Variants in RUFY3 observed in about 807,000 individuals in gnomAD.
RUFY3 encodes RUN and FYVE domain containing 3.
Under a neutral mutation model 84.0 loss-of-function variants are expected in RUFY3, and 34 were observed. The ratio of observed to expected loss-of-function variants is 0.40; its 90% CI spans 0.31 to 0.54. The LOEUF (loss-of-function observed/expected upper bound fraction) is 0.54. Among genes scored for constraint, RUFY3 ranks in the 20% least tolerant of loss-of-function variants. RUFY3 has a pLI of 0.39. For synonymous variants in RUFY3, 242 were observed against 252.9 expected (o/e 0.96, Z 0.41); for missense variants, 507 against 736.8 (o/e 0.69, Z 3.61).
intron 1 of RUFY3, among the ~76,000 whole-genome samples, chr4:70,736,471 C>G (rs1228684297): frequency 6.6e-6 from 1 of 152,086 alleles, no homozygotes; most frequent in African/African-American, 2.4e-5. Context: ...GCTGTGTGAC[C>G]TGCCTTTTTT....
At chr4:70,718,599 C>A (rs1319069512), upstream of RUFY3, among the ~76,000 whole-genome samples, 1 of 152,036 alleles carries the variant, frequency 6.6e-6, no homozygotes, top group African/African-American at 2.4e-5. Flanking sequence ...AGTAATTACT[C>A]TGTATGTGAG....
intron 1 of RUFY3, among the ~76,000 whole-genome samples, chr4:70,748,925 C>CT (rs1380788561): frequency 1.3e-5 from 2 of 152,166 alleles, no homozygotes; most frequent in African/African-American, 2.4e-5. Context: ...GGAGGATTGT[C>CT]TTCCCCAACA....
chr4:70,761,515 C>CT (rs1354487635), intron 1 of RUFY3, among the ~76,000 whole-genome samples: 1 of 152,200 alleles, frequency 6.6e-6, no homozygotes, highest in Non-Finnish European at 1.5e-5. Flanking sequence ...GCTTTACTCT[C>CT]TAAGTCTCAT....
chr4:70,711,548 T>A (rs1741000222), intron 1 of RUFY3, among the ~76,000 whole-genome samples: 1 of 152,226 alleles, frequency 6.6e-6, no homozygotes, highest in African/African-American at 2.4e-5. Flanking sequence ...GTTAGCCCTC[T>A]GCTCTTTTCC....
chr4:70,714,827 A>G (rs780473912), intron 1 of RUFY3, among the ~76,000 whole-genome samples: 2 of 152,200 alleles, frequency 1.3e-5, no homozygotes, highest in Admixed American at 6.5e-5. Flanking sequence ...TAAATTTCCC[A>G]AGGTCACCTA....
chr4:70,722,442 C>T lies in RUFY3; in HGVS notation c.-132C>T. Reference sequence around the variant, plus strand: ...TTTTTTTTTTTTAAACCTCCCCCACCCTTTTCCTGAAAGCTTTGTTTCAGA... The same window carrying T: ...TTTTTTTTTTTTAAACCTCCCCCACTCTTTTCCTGAAAGCTTTGTTTCAGA... On this transcript the variant is annotated 5_prime_UTR_variant, in exon 1 of 18. Transcript: ENST00000381006. 7.3e-7 allele frequency: 1 copy of T among 1,377,832 alleles called. No homozygotes were observed. Among genetic ancestry groups the T allele is most frequent in the Non-Finnish European group, 9.4e-7 (1 of 1,062,492 alleles). 85.4% of individuals were successfully genotyped at this position (1,377,832 alleles called of 1,614,324 possible).
chr4:70,760,554 AT>A (rs372477580), intron 1 of RUFY3, among the ~76,000 whole-genome samples: 3,070 of 137,814 alleles, frequency 0.022, 40 homozygotes, highest in Non-Finnish European at 0.034. Context: ...CCCCAGCTCT[AT>A]TTTTTTTTTT....
chr4:70,704,907 T>A, exon 1 of RUFY3: 9 of 1,200,524 alleles, frequency 7.5e-6, no homozygotes, highest in Non-Finnish European at 8.3e-6. Context: ...CGGGCGCGAA[T>A]CGGAGGCTGC....
At chr4:70,778,483 C>A in intron 8 of RUFY3, 45 bp downstream of exon 8, 1 of 1,028,264 alleles carries the variant, frequency 9.7e-7, no homozygotes, top group Non-Finnish European at 1.5e-6. Context: ...ATTTAATATG[C>A]ATTAGTAGAA....
intron 4 of RUFY3, among the ~76,000 whole-genome samples, chr4:70,766,320 C>T (rs1422453335): frequency 1.3e-5 from 2 of 152,170 alleles, no homozygotes; most frequent in African/African-American, 4.8e-5. Flanking sequence ...TCACGGCTCA[C>T]TGCAGCTTCC....
chr4:70,741,977 C>G (rs183670325), intron 1 of RUFY3, among the ~76,000 whole-genome samples: 3 of 152,146 alleles, frequency 2.0e-5, no homozygotes, highest in Non-Finnish European at 2.9e-5. Context: ...AATTTTATTA[C>G]TCATGCAAAT....
At chr4:70,727,648 G>T (rs566703839) in intron 1 of RUFY3, among the ~76,000 whole-genome samples, 3 of 151,526 alleles carry the variant, frequency 2.0e-5, no homozygotes, top group African/African-American at 7.3e-5. Context: ...TTAGCTGGGC[G>T]TGGTGGCGGG....
intron 1 of RUFY3, among the ~76,000 whole-genome samples, chr4:70,733,115 AGAGAGGGAGGGAG>A: frequency 1.2e-5 from 1 of 84,450 alleles, no homozygotes; most frequent in African/African-American, 5.2e-5. Context: ...AGAGAGAGAG[AGAGAGGGAGGGAG>A]GGAGGGAGGG....
chr4:70,725,633 T>C (rs1718114908), intron 1 of RUFY3, among the ~76,000 whole-genome samples: 1 of 152,174 alleles, frequency 6.6e-6, no homozygotes, highest in Non-Finnish European at 1.5e-5. Flanking sequence ...GCCCGGCTTA[T>C]ATACTCTTAT....
intron 1 of RUFY3, among the ~76,000 whole-genome samples, chr4:70,742,421 C>T (rs1181941346): frequency 6.6e-6 from 1 of 152,182 alleles, no homozygotes; most frequent in Non-Finnish European, 1.5e-5. Flanking sequence ...CCACTCTGTC[C>T]AGACTGACCT....
chr4:70,733,128 GGGAGGGAGGGA>G (rs1312895502), intron 1 of RUFY3, among the ~76,000 whole-genome samples: 2 of 100,988 alleles, frequency 2.0e-5, no homozygotes, highest in African/African-American at 9.2e-5. Context: ...GAGGGAGGGA[GGGAGGGAGGGA>G]GAGAGAGAGA....
intron 5 of RUFY3, among the ~76,000 whole-genome samples, chr4:70,773,203 A>G (rs1422130123): frequency 6.6e-6 from 1 of 152,304 alleles, no homozygotes; most frequent in East Asian, 1.9e-4. Flanking sequence ...ATGAACAGGG[A>G]TTCAGTAGCA....
intron 1 of RUFY3, among the ~76,000 whole-genome samples, chr4:70,726,617 C>A (rs1021795310): frequency 7.2e-5 from 11 of 152,258 alleles, no homozygotes; most frequent in African/African-American, 2.7e-4. Context: ...AGGTGATCGC[C>A]CGCCTCAGCT....
At chr4:70,704,529 C>G (rs3753043), upstream of RUFY3, 149,855 of 159,544 alleles carry the variant, frequency 0.94, 70,713 homozygotes, top group Non-Finnish European at 0.99. Context: ...GACCGCCTTA[C>G]AGGGCCCAGC....
Sources: gnomAD v4.1 joint callset for allele counts (sites outside exome capture counted in the v4.1 genomes callset) on GRCh38, gnomAD v4.1.1 for gene constraint, MANE v1.5 for transcripts, NCBI Gene and HGNC (gene_info 2026-07-23, HGNC 2026-07-21) for gene names.